Variants in DDAH1 observed in about 807,000 individuals in gnomAD.
DDAH1 encodes dimethylarginine dimethylaminohydrolase 1, also known as N(G),N(G)-dimethylarginine dimethylaminohydrolase 1.
DDAH1 carries 19 observed loss-of-function variants against 28.8 expected under a neutral mutation model. That is an observed-to-expected ratio of 0.66 (90% confidence interval 0.46 to 0.97). The LOEUF is 0.97. Among genes scored for constraint, DDAH1 ranks in the 50% least tolerant of loss-of-function variants. The pLI, the probability that DDAH1 is intolerant of heterozygous loss-of-function variation, is 0.00. For synonymous variants in DDAH1, 153 were observed against 154.4 expected (o/e 0.99, Z 0.07); for missense variants, 326 against 375.9 (o/e 0.87, Z 1.10).
intron 1 of DDAH1, among the ~76,000 whole-genome samples, chr1:85,507,231 G>A (rs1323152322): frequency 1.3e-5 from 2 of 152,056 alleles, no homozygotes; most frequent in African/African-American, 2.4e-5. Context: ...TAGGACAGAC[G>A]CAGTGGCTCA....
intron 1 of DDAH1, among the ~76,000 whole-genome samples, chr1:85,539,384 T>C (rs1418806763): frequency 6.6e-6 from 1 of 152,224 alleles, no homozygotes; most frequent in Non-Finnish European, 1.5e-5. Context: ...TGAGCTCAGG[T>C]GATCCGCCTT....
intron 1 of DDAH1, among the ~76,000 whole-genome samples, chr1:85,439,471 C>A (rs1309694826): frequency 1.3e-5 from 2 of 152,230 alleles, no homozygotes; most frequent in Non-Finnish European, 2.9e-5. Flanking sequence ...AAAAAGGCTT[C>A]CATTACATCC....
intron 1 of DDAH1, among the ~76,000 whole-genome samples, chr1:85,455,709 G>C (rs1393482894): frequency 1.3e-5 from 2 of 152,176 alleles, no homozygotes; most frequent in African/African-American, 4.8e-5. Flanking sequence ...CAGACACTGA[G>C]GAAAGTGATG....
chr1:85,333,751 G>GA (rs67529630), intron 4 of DDAH1, among the ~76,000 whole-genome samples: 21 of 149,874 alleles, frequency 1.4e-4, no homozygotes, highest in Admixed American at 2.0e-4. Context: ...TTAAAAAGAA[G>GA]AAAAAAAAAC....
chr1:85,465,118 C>G lies in DDAH1; in HGVS notation c.-73G>C. ...CCTGCCGCGGGCAGCGCGCGCTGAG[C>G]CTGCGAGCGCCCGTCGGCTCCTCTT... On this transcript the variant is annotated 5_prime_UTR_variant, in exon 1 of 6. Transcript: ENST00000284031. 2.5e-6 allele frequency: 3 copies of G among 1,178,332 alleles called. No homozygotes were observed. Among genetic ancestry groups the G allele is most frequent in the Non-Finnish European group, 3.1e-6 (3 of 954,534 alleles). The allele number at this position is 1,178,332 out of a possible 1,614,324, so 73.0% of individuals were successfully genotyped here.
At chr1:85,321,959 G>A (rs993604182) in intron 5 of DDAH1, among the ~76,000 whole-genome samples, 3 of 152,126 alleles carry the variant, frequency 2.0e-5, no homozygotes, top group Non-Finnish European at 4.4e-5. Context: ...TGTCGTCCAG[G>A]TTGGTGTACA....
At chr1:85,451,287 G>C (rs1449852280) in intron 1 of DDAH1, among the ~76,000 whole-genome samples, 3 of 152,160 alleles carry the variant, frequency 2.0e-5, no homozygotes, top group Non-Finnish European at 4.4e-5. Flanking sequence ...GCAGGAGAAG[G>C]GCACAGCCTC....
chr1:85,356,500 G>C (rs915581292), intron 2 of DDAH1, among the ~76,000 whole-genome samples: 2 of 152,174 alleles, frequency 1.3e-5, no homozygotes, highest in African/African-American at 2.4e-5. Context: ...TGTAATTAAT[G>C]TCACTTGAAT....
At chr1:85,451,737 A>AT (rs1449968452) in intron 1 of DDAH1, among the ~76,000 whole-genome samples, 1 of 152,142 alleles carries the variant, frequency 6.6e-6, no homozygotes, top group Non-Finnish European at 1.5e-5. Flanking sequence ...TCTTGTGCTG[A>AT]TTTGATATCT....
chr1:85,495,871 G>A (rs566672041), intron 2 of DDAH1: 2 of 152,298 alleles, frequency 1.3e-5, no homozygotes, highest in Admixed American at 1.3e-4. Context: ...CGTTACAGAC[G>A]CTTAATCCTG....
At chr1:85,472,870 C>T (rs1655666407) in intron 2 of DDAH1, among the ~76,000 whole-genome samples, 2 of 152,106 alleles carry the variant, frequency 1.3e-5, no homozygotes, top group South Asian at 4.2e-4. Flanking sequence ...TTCCCACCTC[C>T]CCTCCTGTCT....
chr1:85,479,301 G>A (rs1655915354), intron 2 of DDAH1, among the ~76,000 whole-genome samples: 1 of 150,886 alleles, frequency 6.6e-6, no homozygotes, highest in African/African-American at 2.4e-5. Context: ...AGCCTCCCGA[G>A]TAGCTGGGAC....
chr1:85,527,161 A>G (rs1210541366), intron 1 of DDAH1, among the ~76,000 whole-genome samples: 1 of 152,208 alleles, frequency 6.6e-6, no homozygotes, highest in Non-Finnish European at 1.5e-5. Context: ...GTGCTGCTGG[A>G]AACTCTGCCT....
At chr1:85,344,384 A>T (rs1026749972) in intron 4 of DDAH1, among the ~76,000 whole-genome samples, 6 of 152,278 alleles carry the variant, frequency 3.9e-5, no homozygotes, top group African/African-American at 1.4e-4. Context: ...TTCCTCTCCC[A>T]CGGGGTTAGG....
intron 1 of DDAH1, among the ~76,000 whole-genome samples, chr1:85,574,088 T>C (rs1659530660): frequency 6.6e-6 from 1 of 152,230 alleles, no homozygotes; most frequent in African/African-American, 2.4e-5. Context: ...AGATCTCTAG[T>C]ATCTCTTTTT....
intron 1 of DDAH1, among the ~76,000 whole-genome samples, chr1:85,446,552 G>C (rs569947443): frequency 3.2e-4 from 48 of 152,312 alleles, no homozygotes; most frequent in Non-Finnish European, 6.2e-4. Flanking sequence ...TGGCCCACTT[G>C]ATCATGTCCA....
chr1:85,396,123 CTT>C (rs1327653446), intron 1 of DDAH1, among the ~76,000 whole-genome samples: 1 of 152,118 alleles, frequency 6.6e-6, no homozygotes. Context: ...TATTCAAACA[CTT>C]GATCAAAAAT....
At chr1:85,446,536 C>T (rs965543971) in intron 1 of DDAH1, among the ~76,000 whole-genome samples, 3 of 152,136 alleles carry the variant, frequency 2.0e-5, no homozygotes, top group African/African-American at 7.2e-5. Context: ...AAATGGAAAA[C>T]CCACCTGGCC....
At chr1:85,437,260 G>A (rs145823116) in intron 1 of DDAH1, among the ~76,000 whole-genome samples, 160 of 152,254 alleles carry the variant, frequency 1.1e-3, no homozygotes, top group Non-Finnish European at 1.9e-3. Flanking sequence ...GGCCTGTGGA[G>A]CCTCACTGTG....
Sources: gnomAD v4.1 joint callset for allele counts (sites outside exome capture counted in the v4.1 genomes callset) on GRCh38, gnomAD v4.1.1 for gene constraint, MANE v1.5 for transcripts, NCBI Gene and HGNC (gene_info 2026-07-23, HGNC 2026-07-21) for gene names.